C12orf42: variants seen among roughly 807,000 people sequenced by gnomAD.
C12orf42 encodes the protein chromosome 12 open reading frame 42.
A neutral mutation model predicts 21.6 loss-of-function variants in C12orf42; 25 were observed. The ratio of observed to expected loss-of-function variants is 1.16; its 90% CI spans 0.84 to 1.62. The LOEUF (loss-of-function observed/expected upper bound fraction) is 1.62, where lower values mean the gene tolerates loss of function less well. Among genes scored for constraint, C12orf42 ranks in the 40% most tolerant of loss-of-function variants. The pLI is 0.00. For synonymous variants in C12orf42, 174 were observed against 175.0 expected, an observed-to-expected ratio of 0.99 and a Z score of 0.05; for missense variants, 483 against 459.3, an observed-to-expected ratio of 1.05 and a Z score of -0.47.
intron 10 of C12orf42, among the ~76,000 whole-genome samples, chr12:103,246,208 C>G (rs1041008313): frequency 5.3e-5 from 8 of 151,972 alleles, no homozygotes; most frequent in African/African-American, 1.9e-4. Flanking sequence ...CATGGAAGCC[C>G]TCCATGTAAC....
chr12:103,360,937 C>T (rs1466305323), intron 4 of C12orf42, among the ~76,000 whole-genome samples: 2 of 152,048 alleles, frequency 1.3e-5, no homozygotes, highest in African/African-American at 4.8e-5. Context: ...CTCTGGATTC[C>T]AGTACCAGTT....
chr12:103,249,525 A>G (rs1402181694), intron 10 of C12orf42, among the ~76,000 whole-genome samples: 1 of 152,030 alleles, frequency 6.6e-6, no homozygotes, highest in Non-Finnish European at 1.5e-5. Context: ...AAGAGAGCAA[A>G]ATCCTATTGG....
the C12orf42 span, among the ~76,000 whole-genome samples, chr12:103,221,336 T>C: frequency 6.6e-6 from 1 of 152,358 alleles, no homozygotes; most frequent in South Asian, 2.1e-4. Flanking sequence ...TGCCAAACTC[T>C]ATGAGATGAG....
intron 2 of C12orf42, among the ~76,000 whole-genome samples, chr12:103,439,334 G>C (rs1194629015): frequency 6.6e-6 from 1 of 151,850 alleles, no homozygotes; most frequent in African/African-American, 2.4e-5. Context: ...TACCATTCAG[G>C]ACATAGGCAT....
intron 4 of C12orf42, chr12:103,349,416 C>G (rs2137420657): frequency 6.6e-6 from 1 of 152,150 alleles, no homozygotes; most frequent in Middle Eastern, 3.4e-3. Context: ...CTGTTGAAAA[C>G]ATAGAAAGAG....
At chr12:103,551,024 A>G in the C12orf42 span, among the ~76,000 whole-genome samples, 1 of 152,038 alleles carries the variant, frequency 6.6e-6, no homozygotes, top group East Asian at 1.9e-4. Flanking sequence ...TCTATCACTT[A>G]TAGTGTTATT....
At chr12:103,075,938 AG>A in the C12orf42 span, among the ~76,000 whole-genome samples, 1 of 152,156 alleles carries the variant, frequency 6.6e-6, no homozygotes, top group Non-Finnish European at 1.5e-5. Flanking sequence ...AAAACTCAGG[AG>A]GAGCTAGTTT....
At chr12:103,197,500 C>T in the C12orf42 span, among the ~76,000 whole-genome samples, 1 of 152,156 alleles carries the variant, frequency 6.6e-6, no homozygotes. Context: ...GATTGGGTTT[C>T]AATTTTCTCC....
chr12:103,442,540 G>A (rs1271060173), intron 2 of C12orf42, among the ~76,000 whole-genome samples: 1 of 152,100 alleles, frequency 6.6e-6, no homozygotes, highest in Non-Finnish European at 1.5e-5. Context: ...CCTTCCTGCT[G>A]CAATCTAAAT....
At chr12:103,340,839 C>T (rs1389385262) in intron 4 of C12orf42, among the ~76,000 whole-genome samples, 4 of 152,142 alleles carry the variant, frequency 2.6e-5, no homozygotes, top group African/African-American at 9.7e-5. Context: ...ATAGGCTGGG[C>T]GCAGTGGCTC....
At chr12:103,265,534 T>C (rs2035122881), downstream of C12orf42, among the ~76,000 whole-genome samples, 1 of 152,186 alleles carries the variant, frequency 6.6e-6, no homozygotes, top group Non-Finnish European at 1.5e-5. Flanking sequence ...ATTAAATCAG[T>C]TTCACGTTCA....
At chr12:103,183,326 C>T in the C12orf42 span, among the ~76,000 whole-genome samples, 60 of 152,332 alleles carry the variant, frequency 3.9e-4, no homozygotes, top group African/African-American at 1.3e-3. Flanking sequence ...ATGATCCACC[C>T]GCCTTGGCCT....
rs367640501 is a variant in C12orf42 at position 103,462,096 on chromosome 12, G to T, written c.78+16253C>A. ...CCATTTTTGTTTTGTTTTTTGCTTGGTTTTTTTTTTTTTTTTTTTTTTTTT... is the reference window on the plus strand; with the variant it reads ...CCATTTTTGTTTTGTTTTTTGCTTGTTTTTTTTTTTTTTTTTTTTTTTTTT... On this transcript the variant is annotated intron_variant, in intron 2 of 5. Coordinates refer to ENST00000548883, the MANE Select transcript of C12orf42 (RefSeq NM_198521.5). Among the ~76,000 whole-genome samples the T allele has an allele frequency of 2.3e-3, 65 of 27,730 alleles. 1 individual carries two copies. The highest frequency in any genetic ancestry group is 3.6e-3 in the Non-Finnish European group (54 of 15,074). 18.2% of individuals were successfully genotyped at this position (27,730 alleles called of 152,430 possible).
chr12:103,381,403 C>A (rs1409402012), intron 3 of C12orf42, among the ~76,000 whole-genome samples: 3 of 152,174 alleles, frequency 2.0e-5, no homozygotes, highest in Admixed American at 2.0e-4. Context: ...TTAGCACACT[C>A]CCCACCTTTC....
At chr12:103,552,304 C>G in the C12orf42 span, among the ~76,000 whole-genome samples, 1 of 152,116 alleles carries the variant, frequency 6.6e-6, no homozygotes, top group African/African-American at 2.4e-5. Flanking sequence ...GGCTCTATTT[C>G]CCCCGTTAGT....
chr12:103,366,226 T>G (rs1402826243), intron 4 of C12orf42, among the ~76,000 whole-genome samples: 1 of 152,044 alleles, frequency 6.6e-6, no homozygotes, highest in Admixed American at 6.6e-5. Flanking sequence ...GGACACCCTA[T>G]TCAACAAATG....
the C12orf42 span, among the ~76,000 whole-genome samples, chr12:103,069,971 T>G: frequency 6.6e-6 from 1 of 152,172 alleles, no homozygotes. Flanking sequence ...CTGATTCACC[T>G]CCCTGATCCT....
At chr12:103,423,295 G>A (rs976854379) in intron 2 of C12orf42, among the ~76,000 whole-genome samples, 1 of 152,184 alleles carries the variant, frequency 6.6e-6, no homozygotes, top group African/African-American at 2.4e-5. Flanking sequence ...CCTGAATGCT[G>A]TAAATAGAGA....
At chr12:103,144,168 C>T in the C12orf42 span, among the ~76,000 whole-genome samples, 1 of 152,020 alleles carries the variant, frequency 6.6e-6, no homozygotes, top group African/African-American at 2.4e-5. Context: ...TGGACAAGTA[C>T]TTTTGTAGCT....
Sources: allele counts gnomAD v4.1 joint callset (sites outside exome capture counted in the v4.1 genomes callset), GRCh38; gene constraint gnomAD v4.1.1; transcripts MANE v1.5; gene names NCBI Gene and HGNC (gene_info 2026-07-23, HGNC 2026-07-21).